EHD3: variants seen among roughly 807,000 people sequenced by gnomAD.
EHD3 encodes the protein EH domain containing 3.
EHD3 carries 17 observed loss-of-function variants against 43.0 expected under a neutral mutation model. That is an observed-to-expected ratio of 0.40 (90% CI 0.27 to 0.59). The LOEUF (loss-of-function observed/expected upper bound fraction) is 0.59, where lower values mean the gene tolerates loss of function less well. Ranked by LOEUF, EHD3 falls within the 20% of genes least tolerant of loss-of-function variation. The probability of loss-of-function intolerance (pLI) is 0.49; values close to 1 mark genes in which losing one functional copy is unlikely to be tolerated. For synonymous variants in EHD3, 313 were observed against 289.5 expected (o/e 1.08, Z -0.82); for missense variants, 594 against 705.6 (o/e 0.84, Z 1.79).
At chr2:31,236,650 C>T (rs1055672207) in intron 1 of EHD3, among the ~76,000 whole-genome samples, 7 of 152,358 alleles carry the variant, frequency 4.6e-5, no homozygotes, top group African/African-American at 1.7e-4. Context: ...TGGCTCTCTA[C>T]ACATATGGTA....
At chr2:31,253,246 C>CACACA (rs1553403504) in intron 3 of EHD3, among the ~76,000 whole-genome samples, 3 of 142,014 alleles carry the variant, frequency 2.1e-5, no homozygotes, top group Middle Eastern at 3.3e-3. Context: ...CAACCCCCTC[C>CACACA]CACACACACA....
rs145521535 is a variant in EHD3 at position 31,259,832 on chromosome 2, G to A, written c.503-678G>A. Among the ~76,000 whole-genome samples the A allele has an allele frequency of 8.0e-3, 1,216 of 152,208 alleles. 22 individuals are homozygous for A. Among genetic ancestry groups the A allele is most frequent in the African/African-American group, 0.026 (1,078 of 41,516 alleles). On this transcript the variant is annotated intron_variant, in intron 3 of 5. Coordinates refer to ENST00000322054, the MANE Select transcript of EHD3 (RefSeq NM_014600.3). ...AGGTGTCCAGACTTTCTTTTCCAGCGGGCTGCTAAATACAGTAAGCACGGA... is the reference window on the plus strand; with the variant it reads ...AGGTGTCCAGACTTTCTTTTCCAGCAGGCTGCTAAATACAGTAAGCACGGA...
Position 31,234,507 on chromosome 2 carries a change from G to T in EHD3, c.-115G>T. 3.2e-6 allele frequency: 4 copies of T among 1,237,450 alleles called. No individual in the cohort carries two copies. The highest frequency in any genetic ancestry group is 3.4e-6 in the Non-Finnish European group (3 of 885,760). 76.7% of individuals were successfully genotyped at this position (1,237,450 alleles called of 1,614,324 possible). On this transcript the variant is annotated 5_prime_UTR_variant, in exon 1 of 6. Coordinates refer to ENST00000322054, the MANE Select transcript of EHD3 (RefSeq NM_014600.3). ...GGGCCATGGTGCGGCTGAGCCCCGC[G>T]CTTGGGTGAGGCGGCGGCGCGGCTC...
chr2:31,252,557 C>T (rs4952075), intron 3 of EHD3, among the ~76,000 whole-genome samples: 69,786 of 152,160 alleles, frequency 0.46, 18,069 homozygotes, highest in East Asian at 0.75. Flanking sequence ...TCACTGCAAC[C>T]TCTGCCTCCT....
intron 1 of EHD3, among the ~76,000 whole-genome samples, chr2:31,239,633 A>G (rs1451482259): frequency 6.6e-6 from 1 of 152,174 alleles, no homozygotes; most frequent in Non-Finnish European, 1.5e-5. Context: ...CTTCCTGCCC[A>G]GGGACCTGGT....
At position 31,249,091 on chromosome 2, in the gene EHD3, C is replaced by T. The variant is rs530598114; in HGVS notation, c.405-280C>T. 3.9e-5 allele frequency among the ~76,000 whole-genome samples: 6 copies of T among 152,300 alleles called. No individual in the cohort carries two copies. The South Asian group carries it at 1.0e-3, about 26-fold the overall frequency. On this transcript the variant is annotated intron_variant, in intron 2 of 5. Transcript: ENST00000322054. Reference sequence around the variant, plus strand: ...TTGATCACACATGAAGACCCAATGTCGCTATGGAGTAGCCCTGCTTGCTGG... The same window carrying T: ...TTGATCACACATGAAGACCCAATGTTGCTATGGAGTAGCCCTGCTTGCTGG...
At chr2:31,259,168 G>A (rs1683803244) in intron 3 of EHD3, among the ~76,000 whole-genome samples, 1 of 152,156 alleles carries the variant, frequency 6.6e-6, no homozygotes, top group South Asian at 2.1e-4. Context: ...ACCCAAGAAA[G>A]GGCTCCTACC....
Position 31,261,733 on chromosome 2 carries a change from C to CT in EHD3, c.1080+21dup, listed in dbSNP as rs745610944. On this transcript the variant is annotated intron_variant, in intron 5 of 5. Transcript: ENST00000322054. The stretch of plus-strand genomic sequence containing the variant: ...ATGCAGGTAGCGAGGGCTGGGGTCT[C>CT]TAAGACAAGGGACAGTGTCCCGAGA... 15 of 1,612,766 alleles carry CT rather than the reference C, an allele frequency of 9.3e-6. No homozygotes were observed. The East Asian group carries it at 3.1e-4, about 34-fold the overall frequency.
At chr2:31,250,003 G>C (rs1683602331) in intron 3 of EHD3, among the ~76,000 whole-genome samples, 1 of 151,900 alleles carries the variant, frequency 6.6e-6, no homozygotes, top group Non-Finnish European at 1.5e-5. Flanking sequence ...CAGAACTCTG[G>C]AGTCAGGCTG....
chr2:31,255,826 G>A (rs669195), intron 3 of EHD3, among the ~76,000 whole-genome samples: 19,604 of 152,078 alleles, frequency 0.13, 1,424 homozygotes, highest in African/African-American at 0.18. Context: ...ATAAAATCAC[G>A]GAAAGAGTTC....
At chr2:31,241,365 A>C (rs1047351176) in intron 1 of EHD3, among the ~76,000 whole-genome samples, 2 of 152,154 alleles carry the variant, frequency 1.3e-5, no homozygotes, top group South Asian at 2.1e-4. Flanking sequence ...ACTCAAATCC[A>C]AGGGCCAGGT....
chr2:31,261,498 G>A, intron 4 of EHD3, 51 bp from the exon 5 acceptor site: 9 of 1,599,136 alleles, frequency 5.6e-6, no homozygotes, highest in South Asian at 1.1e-5. Context: ...TAGAAGGAAG[G>A]GACCGTCCAG....
intron 2 of EHD3, among the ~76,000 whole-genome samples, chr2:31,248,929 AG>A (rs1302027738): frequency 3.3e-5 from 5 of 152,252 alleles, no homozygotes; most frequent in African/African-American, 1.2e-4. Flanking sequence ...AAGAGGAGCC[AG>A]GGGGTCTTCT....
chr2:31,245,766 A>T, intron 2 of EHD3, among the ~76,000 whole-genome samples: 1 of 124,800 alleles, frequency 8.0e-6, no homozygotes, highest in Non-Finnish European at 1.6e-5. Flanking sequence ...TTTTTAGTAG[A>T]GACAGGGTTT....
At chr2:31,255,245 C>T (rs1003650927) in intron 3 of EHD3, among the ~76,000 whole-genome samples, 11 of 152,196 alleles carry the variant, frequency 7.2e-5, no homozygotes, top group Non-Finnish European at 1.3e-4. Flanking sequence ...CCCCGACTCA[C>T]TAGTCCATAT....
chr2:31,261,837 AGG>A, intron 5 of EHD3, 124 bp downstream of exon 5: 7 of 1,170,398 alleles, frequency 6.0e-6, no homozygotes, highest in Middle Eastern at 3.0e-4. Context: ...TCTGCAGGCA[AGG>A]AGGTGGCCCT....
chr2:31,245,750 T>TG (rs1355349405), intron 2 of EHD3, among the ~76,000 whole-genome samples: 2 of 144,426 alleles, frequency 1.4e-5, no homozygotes, highest in Non-Finnish European at 3.1e-5. Flanking sequence ...TTTTTTTTTT[T>TG]TTTTTTTTTT....
Position 31,260,420 on chromosome 2 carries a change from CTG to C in EHD3, c.503-86_503-85del, listed in dbSNP as rs1312377724. On this transcript the variant is annotated intron_variant, in intron 3 of 5. Transcript: ENST00000322054. This position sits in a 1 kb window ranked among gnomAD's most constrained non-coding sequence, Gnocchi z 4.6. The stretch of plus-strand genomic sequence containing the variant: ...TTAAACTTAGATCTGACTCCCAAGA[CTG>C]TGTTATTTCTACCACACCCGACTGC... 18 of 1,313,314 alleles carry C rather than the reference CTG, an allele frequency of 1.4e-5. No homozygotes were observed. In the East Asian group the frequency reaches 3.8e-4, roughly 27 times the overall value. 81.4% of individuals were successfully genotyped at this position (1,313,314 alleles called of 1,614,324 possible). A position where few individuals can be genotyped will look rare whatever the true frequency, so the allele number is the denominator to read the frequency against.
At position 31,267,422 on chromosome 2, in the gene EHD3, G is replaced by A. The variant is rs1683976212; in HGVS notation, c.*718G>A. ...TTGAAAACCAGTCAAGGTGGTTTTA[G>A]TTCATAGATTTTGTTAGATGTTCTT... On this transcript the variant is annotated 3_prime_UTR_variant, in exon 6 of 6. Transcript: ENST00000322054. The A allele has an allele frequency of 6.6e-6, 1 of 152,494 alleles. No homozygotes were observed. Among genetic ancestry groups the A allele is most frequent in the Non-Finnish European group, 1.5e-5 (1 of 68,030 alleles). 9.4% of individuals were successfully genotyped at this position (152,494 alleles called of 1,614,324 possible). A position where few individuals can be genotyped will look rare whatever the true frequency, so the allele number is the denominator to read the frequency against.
Sources: gnomAD v4.1 joint callset for allele counts (sites outside exome capture counted in the v4.1 genomes callset) on GRCh38, gnomAD v4.1.1 for gene constraint, Gnocchi (gnomAD v3.1) non-coding constraint, MANE v1.5 for transcripts, NCBI Gene and HGNC (gene_info 2026-07-23, HGNC 2026-07-21) for gene names.